CNTLN: variants seen among roughly 807,000 people sequenced by gnomAD.
CNTLN encodes centlein, also known as centlein, centrosomal protein.
A neutral mutation model predicts 180.0 loss-of-function variants in CNTLN; 212 were observed. The ratio of observed to expected loss-of-function variants is 1.18; its 90% CI spans 1.05 to 1.32. CNTLN has a LOEUF of 1.32. CNTLN is among the 40% of genes most tolerant of loss of function. The probability of loss-of-function intolerance (pLI) is 0.00; values close to 1 mark genes in which losing one functional copy is unlikely to be tolerated. For missense variants in CNTLN, 2,095 were observed against 1,610.9 expected, an observed-to-expected ratio of 1.30 and a Z score of -5.14; for synonymous variants, 722 against 563.1, an observed-to-expected ratio of 1.28 and a Z score of -3.99.
chr9:17,181,260 G>T (rs1821107625), intron 2 of CNTLN, among the ~76,000 whole-genome samples: 1 of 152,062 alleles, frequency 6.6e-6, no homozygotes. Context: ...AAATTCTGTT[G>T]TTCTCTTTTG....
At chr9:17,407,197 G>A (rs927129882) in intron 15 of CNTLN, among the ~76,000 whole-genome samples, 3 of 152,180 alleles carry the variant, frequency 2.0e-5, no homozygotes, top group African/African-American at 7.2e-5. Context: ...GAAAAGTGTA[G>A]TTGTGACATT....
At chr9:17,424,321 T>C (rs1434433083) in intron 18 of CNTLN, among the ~76,000 whole-genome samples, 1 of 152,184 alleles carries the variant, frequency 6.6e-6, no homozygotes, top group Non-Finnish European at 1.5e-5. Flanking sequence ...CTTAAAGGTG[T>C]TACTCATAAT....
chr9:17,330,826 T>C lies in CNTLN; in HGVS notation c.1518+18T>C. 1 of 1,586,090 alleles carries C rather than the reference T, an allele frequency of 6.3e-7. No individual in the cohort carries two copies. Among genetic ancestry groups the C allele is most frequent in the South Asian group, 1.2e-5 (1 of 85,386 alleles). On this transcript the variant is annotated intron_variant, in intron 9 of 25. Coordinates refer to ENST00000380647, the MANE Select transcript of CNTLN (RefSeq NM_017738.4). ...AACATAAGGTAGGGACATTTTGTCA[T>C]TTTGTGAATTTGCCAGGATGAGGCT...
At chr9:17,369,061 T>G (rs1330424749) in intron 13 of CNTLN, among the ~76,000 whole-genome samples, 2 of 152,140 alleles carry the variant, frequency 1.3e-5, no homozygotes, top group Non-Finnish European at 2.9e-5. Context: ...CATCTTGAAT[T>G]ATAATCCCCA....
At chr9:17,290,984 T>C (rs1829360548) in intron 6 of CNTLN, among the ~76,000 whole-genome samples, 1 of 152,134 alleles carries the variant, frequency 6.6e-6, no homozygotes, top group African/African-American at 2.4e-5. Context: ...TCGCTCATGC[T>C]GGGAGCTGTA....
At chr9:17,162,629 G>T (rs1819763260) in intron 2 of CNTLN, among the ~76,000 whole-genome samples, 1 of 152,176 alleles carries the variant, frequency 6.6e-6, no homozygotes, top group Non-Finnish European at 1.5e-5. Context: ...AAACATATAG[G>T]TGGTATAATT....
At chr9:17,441,871 G>A (rs2134049056) in intron 18 of CNTLN, among the ~76,000 whole-genome samples, 1 of 152,192 alleles carries the variant, frequency 6.6e-6, no homozygotes, top group Admixed American at 6.5e-5. Context: ...CATACAAAGG[G>A]TAAGCAAAGG....
the CNTLN span, among the ~76,000 whole-genome samples, chr9:17,512,329 A>C: frequency 6.6e-6 from 1 of 152,200 alleles, no homozygotes; most frequent in African/African-American, 2.4e-5. Flanking sequence ...AAGCTAAAGA[A>C]TACTTTTCAT....
Position 17,404,777 on chromosome 9 carries a change from T to C in CNTLN, c.2616-4516T>C, listed in dbSNP as rs903233461. Among the ~76,000 whole-genome samples, 5 of 147,160 alleles carry C rather than the reference T, an allele frequency of 3.4e-5. No homozygotes were observed. In the South Asian group the frequency reaches 1.1e-3, roughly 31 times the overall value. ...TTTTGAGACAGAGTCTTGCTCTGTC[T>C]GCCAGGCTGGAGTACAGTGGCGCGA... is the stretch of plus-strand genomic sequence containing the variant. On this transcript the variant is annotated intron_variant, in intron 15 of 25. Transcript: ENST00000380647.
intron 2 of CNTLN, among the ~76,000 whole-genome samples, chr9:17,213,837 T>C (rs112372539): frequency 0.012 from 1,837 of 152,292 alleles, 41 homozygotes; most frequent in African/African-American, 0.042. Flanking sequence ...TTGATCTTTG[T>C]TGATTTAAAG....
intron 2 of CNTLN, chr9:17,166,991 C>T (rs1433102394): frequency 3.0e-6 from 1 of 330,194 alleles, no homozygotes; most frequent in East Asian, 1.2e-4. Context: ...AGCAGGACTA[C>T]AGCAGTTCTT....
chr9:17,171,997 T>C (rs1820451570), intron 2 of CNTLN, among the ~76,000 whole-genome samples: 1 of 152,144 alleles, frequency 6.6e-6, no homozygotes, highest in Admixed American at 6.5e-5. Flanking sequence ...TGTTGGTGGC[T>C]TCAATGTTTG....
intron 2 of CNTLN, among the ~76,000 whole-genome samples, chr9:17,206,458 A>G (rs2131923935): frequency 6.6e-6 from 1 of 152,304 alleles, no homozygotes; most frequent in East Asian, 1.9e-4. Context: ...GCCTTACTGT[A>G]TACTGAATGT....
intron 2 of CNTLN, among the ~76,000 whole-genome samples, chr9:17,199,912 C>G (rs1822407690): frequency 6.6e-6 from 1 of 152,114 alleles, no homozygotes; most frequent in Non-Finnish European, 1.5e-5. Context: ...AGTCTTTGCC[C>G]TTGCCTATGT....
chr9:17,274,090 A>C (rs1828131245), intron 6 of CNTLN, among the ~76,000 whole-genome samples: 1 of 152,092 alleles, frequency 6.6e-6, no homozygotes, highest in East Asian at 1.9e-4. Flanking sequence ...GGGGTACCCT[A>C]GTTTCAGTTT....
At chr9:17,294,136 G>T (rs997450381) in intron 6 of CNTLN, among the ~76,000 whole-genome samples, 1 of 152,056 alleles carries the variant, frequency 6.6e-6, no homozygotes, top group Non-Finnish European at 1.5e-5. Context: ...GCAGACCTTC[G>T]AGTGTTACAG....
At chr9:17,240,876 TG>T (rs1410641441) in intron 5 of CNTLN, among the ~76,000 whole-genome samples, 1 of 152,166 alleles carries the variant, frequency 6.6e-6, no homozygotes, top group Non-Finnish European at 1.5e-5. Flanking sequence ...TTTTTATTTT[TG>T]AGGTGGAGTC....
At position 17,298,287 on chromosome 9, in the gene CNTLN, G is replaced by C. The variant is rs752494893; in HGVS notation, c.1081G>C (p.Asp361His). ...LIQQLQVLNMDTQKVLRNQED... is the reference protein window; with the variant it reads ...LIQQLQVLNMHTQKVLRNQED... ...CCAGCAGCTTCAGGTTCTCAATATG[G>C]ACACACAAAAAGTACTGAGAAATCA... is the stretch of plus-strand genomic sequence containing the variant. Residue 361 changes from aspartate to histidine, a missense_variant, in exon 7 of 26, where the codon GAC becomes CAC. Physicochemically the swap from Asp to His is moderately conservative, Grantham distance 81. Transcript: ENST00000380647. 2.5e-6 allele frequency: 4 copies of C among 1,613,436 alleles called. No homozygotes were observed. Among genetic ancestry groups the C allele is most frequent in the Non-Finnish European group, 3.4e-6 (4 of 1,179,770 alleles).
intron 16 of CNTLN, among the ~76,000 whole-genome samples, chr9:17,413,949 G>C (rs548843979): frequency 1.3e-5 from 2 of 152,080 alleles, no homozygotes; most frequent in Non-Finnish European, 2.9e-5. Context: ...CTGAAAACTG[G>C]GAACAACCAA....
Sources: gnomAD v4.1 joint callset for allele counts (sites outside exome capture counted in the v4.1 genomes callset) on GRCh38, gnomAD v4.1.1 for gene constraint, MANE v1.5 for transcripts, NCBI Gene and HGNC (gene_info 2026-07-23, HGNC 2026-07-21) for gene names.